The following RITA1 variants were observed in gnomAD, a reference collection of about 807,000 sequenced individuals.
RITA1 encodes the protein RBPJ interacting and tubulin associated 1, also known as RBPJ-interacting and tubulin-associated protein 1.
A neutral mutation model predicts 8.7 loss-of-function variants in RITA1; 15 were observed. The ratio of observed to expected loss-of-function variants is 1.72; its 90% CI spans 1.15 to 2.65. RITA1 has a LOEUF of 2.65. Among genes scored for constraint, RITA1 ranks in the 30% most tolerant of loss-of-function variants. The pLI is 0.00. For missense variants in RITA1, 330 were observed against 363.8 expected, an observed-to-expected ratio of 0.91 and a Z score of 0.76; for synonymous variants, 145 against 156.2, an observed-to-expected ratio of 0.93 and a Z score of 0.53.
At chr12:113,188,848 T>G (rs1952568307) in intron 3 of RITA1, among the ~76,000 whole-genome samples, 2 of 125,184 alleles carry the variant, frequency 1.6e-5, no homozygotes, top group Admixed American at 9.3e-5. Flanking sequence ...TCTGGCTCTG[T>G]CGCCCAGGCT....
chr12:113,191,405 A>C lies in RITA1; in HGVS notation c.398A>C (p.Asp133Ala), dbSNP rs776435464. Residue 133 changes from aspartate (D) to alanine (A), a missense_variant, in exon 4 of 4, where the codon GAT (aspartate) becomes GCT (alanine). Transcript: ENST00000548278. This position sits in a 1 kb window ranked among gnomAD's most constrained non-coding sequence, Gnocchi z 4.0. The stretch of plus-strand genomic sequence containing the variant: ...GGGGCCCCGCGGATGGCGAAGGGGG[A>C]TGCCGCAAAGCTCCGTGCTCTCTTG... Reference protein sequence around the residue: ...SFGAPRMAKGDAAKLRALLWT... With the variant: ...SFGAPRMAKGAAAKLRALLWT... 8.1e-6 allele frequency: 13 copies of C among 1,607,848 alleles called. No homozygotes were observed. The highest frequency in any genetic ancestry group is 1.7e-5 in the Admixed American group (1 of 59,576).
In RITA1 at chr12:113,185,890, G is replaced by A; in HGVS notation, c.-328G>A. ...GGGGTCCGGGGCCCCAGGCATTCCGGGCTGCAGATTGACGGGGATCCCGGA... is the reference window on the plus strand; with the variant it reads ...GGGGTCCGGGGCCCCAGGCATTCCGAGCTGCAGATTGACGGGGATCCCGGA... On this transcript the variant is annotated 5_prime_UTR_variant, in exon 1 of 4. Coordinates refer to ENST00000548278, the MANE Select transcript of RITA1 (RefSeq NM_032848.3). The A allele has an allele frequency of 7.1e-7, 1 of 1,406,208 alleles. No individual in the cohort carries two copies. The highest frequency in any genetic ancestry group is 1.4e-5 in the African/African-American group (1 of 70,034). 87.1% of individuals were successfully genotyped at this position (1,406,208 alleles called of 1,614,324 possible).
At chr12:113,186,658 G>C in intron 2 of RITA1, 25 bp from the exon 3 acceptor site, 1 of 1,546,938 alleles carries the variant, frequency 6.5e-7, no homozygotes, top group Non-Finnish European at 8.8e-7. Flanking sequence ...TGGCTCAGGG[G>C]TGCTACTCTG....
chr12:113,186,920 G>GA lies in RITA1; in HGVS notation c.176dup (p.Ala60GlyfsTer2). The GA allele has an allele frequency of 1.2e-6, 2 of 1,614,162 alleles. No homozygotes were observed. The highest frequency in any genetic ancestry group is 1.7e-6 in the Non-Finnish European group (2 of 1,180,032). On this transcript the variant is annotated frameshift_variant, in exon 3 of 4. Transcript: ENST00000548278. LOFTEE classifies it high-confidence loss of function. ...CGGACTTCGATCCGCCCTGGGTGGAGAAGGCTAACAGAACCAGAGGCGTGG... is the reference window on the plus strand; with the variant it reads ...CGGACTTCGATCCGCCCTGGGTGGAGAAAGGCTAACAGAACCAGAGGCGTGG...
Position 113,191,360 on chromosome 12 carries a change from G to A in RITA1, c.353G>A (p.Arg118Gln), listed in dbSNP as rs143445723. 2.0e-5 allele frequency: 32 copies of A among 1,583,312 alleles called. No individual in the cohort carries two copies. The highest frequency in any genetic ancestry group is 6.7e-5 in the East Asian group (3 of 44,538). Residue 118 changes from arginine to glutamine, a missense_variant, in exon 4 of 4, where the codon CGA (arginine) becomes CAA (glutamine). Physicochemically the swap from Arg to Gln is conservative, Grantham distance 43 (BLOSUM62 1). Transcript: ENST00000548278. The surrounding 1 kb of genome is among the most constrained non-coding windows in gnomAD (Gnocchi z 4.0). ...TGTGATGAGTCGCTGTTTGGCTCCC[G>A]ATCTGAAGGCGCCAGCTTCGGGGCC... is the stretch of plus-strand genomic sequence containing the variant. ...SYCDESLFGS[R>Q]SEGASFGAPR...
rs1054837329 is a variant in RITA1 at position 113,186,389 on chromosome 12, C to T, written c.-65+73C>T. 2.1e-5 allele frequency: 29 copies of T among 1,370,614 alleles called. No homozygotes were observed. The Admixed American group carries it at 7.5e-4, about 36-fold the overall frequency. 84.9% of individuals were successfully genotyped at this position (1,370,614 alleles called of 1,614,324 possible). A position where few individuals can be genotyped will look rare whatever the true frequency, so the allele number is the denominator to read the frequency against. On this transcript the variant is annotated intron_variant, in intron 2 of 3. Transcript: ENST00000548278. The stretch of plus-strand genomic sequence containing the variant: ...TACACATAGGAAAGTGCCTGTCTCC[C>T]CTACCACCATAGTGTGTTTTCTGGT...
At chr12:113,190,723 A>C (rs1217866699) in intron 3 of RITA1, among the ~76,000 whole-genome samples, 1 of 152,226 alleles carries the variant, frequency 6.6e-6, no homozygotes, top group Non-Finnish European at 1.5e-5. Flanking sequence ...AGTGACAGAA[A>C]ACTTATTCAA....
intron 3 of RITA1, among the ~76,000 whole-genome samples, chr12:113,188,352 G>C (rs1952560185): frequency 6.6e-6 from 1 of 151,914 alleles, no homozygotes; most frequent in East Asian, 1.9e-4. Flanking sequence ...CTGGTAGCTG[G>C]GATTACGCCA....
In RITA1 at chr12:113,191,354, G is replaced by T; in HGVS notation, c.347G>T (p.Gly116Val). ...TCTTACTGTGATGAGTCGCTGTTTG[G>T]CTCCCGATCTGAAGGCGCCAGCTTC... ...TPSYCDESLF[G>V]SRSEGASFGA... Residue 116 changes from glycine (G) to valine (V), a missense_variant, in exon 4 of 4, where the codon GGC becomes GTC. Gly to Val is a moderately radical substitution (Grantham distance 109, BLOSUM62 -3). Transcript: ENST00000548278. The surrounding 1 kb of genome is among the most constrained non-coding windows in gnomAD (Gnocchi z 4.0). 1.3e-6 allele frequency: 2 copies of T among 1,574,928 alleles called. No individual in the cohort carries two copies. The highest frequency in any genetic ancestry group is 8.6e-7 in the Non-Finnish European group (1 of 1,159,206).
intron 3 of RITA1, 153 bp downstream of exon 3, chr12:113,187,201 A>T (rs1041562499): frequency 9.3e-6 from 7 of 756,428 alleles, no homozygotes; most frequent in Non-Finnish European, 1.4e-5. Flanking sequence ...AATTATTCCT[A>T]CCTAGGGGGA....
In RITA1 at chr12:113,187,020, C is replaced by G. The variant is rs773055879; in HGVS notation, c.274C>G (p.Leu92Val). 20 of 1,605,056 alleles carry G rather than the reference C, an allele frequency of 1.2e-5. No individual in the cohort carries two copies. In the African/African-American group the frequency reaches 2.7e-4, roughly 21 times the overall value. Reference protein sequence around the residue: ...TTPSRGSTPTLTPRKKNKYRP... With the variant: ...TTPSRGSTPTVTPRKKNKYRP... ...CCCCTCAAGGGGCAGCACCCCCACC[C>G]TCACACCAAGGAAGAAGAACAAATA... is the stretch of plus-strand genomic sequence containing the variant. Residue 92 changes from leucine to valine, a missense_variant, in exon 3 of 4, where the codon CTC becomes GTC. Transcript: ENST00000548278.
At chr12:113,188,152 G>A (rs1384513185) in intron 3 of RITA1, among the ~76,000 whole-genome samples, 1 of 151,716 alleles carries the variant, frequency 6.6e-6, no homozygotes, top group Non-Finnish European at 1.5e-5. Context: ...GGGTTCAAGC[G>A]ACTCTCCTGC....
chr12:113,191,164 T>C lies in RITA1; in HGVS notation c.303-146T>C. ...TGCTTAAGAGGCTGTGGCCTCGCTG[T>C]AGGTTTCAGACTGGGAGACAAGGAC... On this transcript the variant is annotated intron_variant, in intron 3 of 3. Transcript: ENST00000548278. This position sits in a 1 kb window ranked among gnomAD's most constrained non-coding sequence, Gnocchi z 4.0. 9.4e-7 allele frequency: 1 copy of C among 1,063,710 alleles called. No homozygotes were observed. Among genetic ancestry groups the C allele is most frequent in the Non-Finnish European group, 1.3e-6 (1 of 772,512 alleles). The allele number at this position is 1,063,710 out of a possible 1,614,324, so 65.9% of individuals were successfully genotyped here.
rs1292168527 is a variant in RITA1 at position 113,186,036 on chromosome 12, C to CA, written c.-197+20dup. ...AAGATGCTCAGGTAGGAGAACAACCCAAAAATGCAGGGACCTCGGGCACTT... is the reference window on the plus strand; with the variant it reads ...AAGATGCTCAGGTAGGAGAACAACCCAAAAAATGCAGGGACCTCGGGCACTT... On this transcript the variant is annotated intron_variant, in intron 1 of 3. Transcript: ENST00000548278. The CA allele has an allele frequency of 6.5e-7, 1 of 1,536,036 alleles. No individual in the cohort carries two copies. Among genetic ancestry groups the CA allele is most frequent in the Non-Finnish European group, 8.7e-7 (1 of 1,146,830 alleles).
intron 3 of RITA1, among the ~76,000 whole-genome samples, chr12:113,188,786 CCT>C (rs200551942): frequency 6.2e-5 from 4 of 64,306 alleles, no homozygotes; most frequent in Admixed American, 3.8e-4. Context: ...GCCTTAGTTA[CCT>C]TTTTTTTTTT....
In RITA1 at chr12:113,185,954, A is replaced by T; in HGVS notation, c.-264A>T. On this transcript the variant is annotated 5_prime_UTR_variant, in exon 1 of 4. Coordinates refer to ENST00000548278, the MANE Select transcript of RITA1 (RefSeq NM_032848.3). ...CCCGCGCCCTCACCGACGGGTCCAG[A>T]CCTGGTGGGAAGAAGGTGCGGGGAC... 1 of 1,534,902 alleles carries T rather than the reference A, an allele frequency of 6.5e-7. No individual in the cohort carries two copies. Among genetic ancestry groups the T allele is most frequent in the Non-Finnish European group, 8.7e-7 (1 of 1,145,984 alleles).
intron 2 of RITA1, 60 bp downstream of exon 2, chr12:113,186,376 A>G: frequency 7.3e-7 from 1 of 1,364,938 alleles, no homozygotes; most frequent in African/African-American, 1.5e-5. Context: ...CACATAGGAA[A>G]GTGCCTGTCT....
intron 3 of RITA1, 91 bp downstream of exon 3, chr12:113,187,139 G>T: frequency 7.4e-7 from 1 of 1,360,392 alleles, no homozygotes. Context: ...TGTGACCTTG[G>T]GCAAGCATCT....
At position 113,192,116 on chromosome 12, in the gene RITA1, T is replaced by C. The variant is rs1314108859; in HGVS notation, c.*299T>C. ...GCCTGGCACCTCCCACATCATCCAT[T>C]GTCTTGCTGCCAAGTGCGAATAAAC... On this transcript the variant is annotated 3_prime_UTR_variant, in exon 4 of 4. Coordinates refer to ENST00000548278, the MANE Select transcript of RITA1 (RefSeq NM_032848.3). The C allele has an allele frequency of 3.0e-6, 1 of 337,704 alleles. No homozygotes were observed. Among genetic ancestry groups the C allele is most frequent in the Non-Finnish European group, 5.4e-6 (1 of 184,888 alleles). 20.9% of individuals were successfully genotyped at this position (337,704 alleles called of 1,614,324 possible).
Sources: allele counts gnomAD v4.1 joint callset (sites outside exome capture counted in the v4.1 genomes callset), GRCh38; gene constraint gnomAD v4.1.1; non-coding constraint Gnocchi (gnomAD v3.1); transcripts MANE v1.5; gene names NCBI Gene and HGNC (gene_info 2026-07-23, HGNC 2026-07-21).